The following CLEC4D variants were observed in gnomAD, a reference collection of about 807,000 sequenced individuals.
The protein encoded by CLEC4D is C-type (calcium dependent, carbohydrate-recognition domain) lectin, superfamily member 8.
A neutral mutation model predicts 21.1 loss-of-function variants in CLEC4D; 21 were observed. That is an observed-to-expected ratio of 1.00 (90% CI 0.71 to 1.43). CLEC4D has a LOEUF of 1.43. CLEC4D is among the 40% of genes most tolerant of loss of function. CLEC4D has a pLI of 0.00. For synonymous variants in CLEC4D, 85 were observed against 83.1 expected (o/e 1.02, Z -0.12); for missense variants, 289 against 260.7 (o/e 1.11, Z -0.75).
chr12:8,527,547 C>T, the CLEC4D span, among the ~76,000 whole-genome samples: 2 of 152,312 alleles, frequency 1.3e-5, no homozygotes, highest in East Asian at 3.9e-4. Flanking sequence ...TCCCTGGCTC[C>T]GCAGGGGAAA....
downstream of CLEC4D, among the ~76,000 whole-genome samples, chr12:8,525,611 A>G (rs1940499993): frequency 6.6e-6 from 1 of 152,304 alleles, no homozygotes; most frequent in Non-Finnish European, 1.5e-5. Context: ...GCCTGAATAC[A>G]GCACACCGAT....
the CLEC4D span, among the ~76,000 whole-genome samples, chr12:8,531,541 A>T: frequency 5.8e-4 from 89 of 152,282 alleles, no homozygotes; most frequent in African/African-American, 2.1e-3. Flanking sequence ...ATTTCACTTC[A>T]ATTTTTTAAA....
rs1172696608 is a variant in CLEC4D, at chr12:8,520,230, T to G, written c.389T>G (p.Phe130Cys). 1 of 1,613,706 alleles carries G rather than the reference T, an allele frequency of 6.2e-7. No homozygotes were observed. The highest frequency in any genetic ancestry group is 1.7e-5 in the Admixed American group (1 of 60,004). The stretch of plus-strand genomic sequence containing the variant: ...AAAATTTACATTTTTATGCAGAACT[T>G]TATTATTCAGTTTCTGGATAGACGG... Reference protein sequence around the residue: ...MTISTEAEQNFIIQFLDRRLS... With the variant: ...MTISTEAEQNCIIQFLDRRLS... The change falls in exon 5 of 6, where the codon TTT becomes TGT. Residue 130 changes from phenylalanine to cysteine, a missense_variant. Phe to Cys is a radical substitution (Grantham distance 205). Transcript: ENST00000299665.
chr12:8,520,363 A>G, intron 5 of CLEC4D, 22 bp downstream of exon 5: 1 of 1,601,414 alleles, frequency 6.2e-7, no homozygotes, highest in Non-Finnish European at 8.5e-7. Flanking sequence ...GAGTGGGCTA[A>G]GGGGATTTAT....
At chr12:8,519,227 C>A in intron 4 of CLEC4D, 67 bp downstream of exon 4, 1 of 1,566,680 alleles carries the variant, frequency 6.4e-7, no homozygotes, top group Non-Finnish European at 8.6e-7. Context: ...AGAGGAATTT[C>A]TCTGTCCTGT....
rs1457090632 is a variant in CLEC4D at position 8,522,138 on chromosome 12, G to A, written c.*867G>A. 2.6e-5 allele frequency: 4 copies of A among 152,122 alleles called. No homozygotes were observed. The highest frequency in any genetic ancestry group is 9.7e-5 in the African/African-American group (4 of 41,422). The allele number at this position is 152,122 out of a possible 1,614,324, so 9.4% of individuals were successfully genotyped here. On this transcript the variant is annotated 3_prime_UTR_variant, in exon 6 of 6. Transcript: ENST00000299665. ...GGATAAAATTTCTTAATTGTTTGAA[G>A]TAACATTGTATTCGTGTTTGCATTA...
At chr12:8,514,093 C>G (rs1351339945) in intron 1 of CLEC4D, among the ~76,000 whole-genome samples, 1 of 152,102 alleles carries the variant, frequency 6.6e-6, no homozygotes, top group Non-Finnish European at 1.5e-5. Flanking sequence ...TATGCTGTAT[C>G]AGAGGCTCTA....
intron 2 of CLEC4D, among the ~76,000 whole-genome samples, chr12:8,515,781 C>A (rs1406064010): frequency 6.6e-6 from 1 of 151,798 alleles, no homozygotes. Flanking sequence ...CATATGAAAA[C>A]CTGTACATAT....
rs139845503 is a variant in CLEC4D, at chr12:8,520,305, G to T, written c.464G>T (p.Arg155Leu). ...LRDENAKGQW[R>L]WVDQTPFNPR... ...GATGAGAATGCCAAAGGTCAGTGGC[G>T]TTGGGTGGACCAGACGCCATTTAAC... The change falls in exon 5 of 6, where the codon CGT becomes CTT. Residue 155 changes from arginine to leucine, a missense_variant. Transcript: ENST00000299665. The T allele has an allele frequency of 1.2e-6, 2 of 1,613,984 alleles. No homozygotes were observed. The highest frequency in any genetic ancestry group is 1.3e-5 in the African/African-American group (1 of 75,042).
At chr12:8,526,293 T>C (rs1320818417), downstream of CLEC4D, among the ~76,000 whole-genome samples, 2 of 152,234 alleles carry the variant, frequency 1.3e-5, no homozygotes, top group African/African-American at 2.4e-5. Flanking sequence ...TCCAGCTTGT[T>C]TCCATTCTTC....
the CLEC4D span, among the ~76,000 whole-genome samples, chr12:8,530,931 G>A: frequency 2.6e-5 from 4 of 152,178 alleles, no homozygotes; most frequent in East Asian, 1.9e-4. Context: ...TTGGTTGCAC[G>A]ACATATATGC....
At chr12:8,518,335 C>A in intron 3 of CLEC4D, 61 bp downstream of exon 3, 1 of 763,090 alleles carries the variant, frequency 1.3e-6, no homozygotes, top group Non-Finnish European at 2.3e-6. Flanking sequence ...CATAGTCTGA[C>A]TGAAGGAATG....
At chr12:8,521,001 T>C in intron 5 of CLEC4D, 123 bp from the exon 6 acceptor site, 1 of 1,316,520 alleles carries the variant, frequency 7.6e-7, no homozygotes, top group East Asian at 2.6e-5. Flanking sequence ...AGTGCAGTTC[T>C]AAACTGTTCA....
chr12:8,525,696 A>G (rs958777193), downstream of CLEC4D, among the ~76,000 whole-genome samples: 13 of 152,070 alleles, frequency 8.5e-5, no homozygotes, highest in African/African-American at 3.1e-4. Context: ...GTTTAAGGTT[A>G]GTATTGTTAT....
In CLEC4D at chr12:8,519,161, G is replaced by T. The variant is rs777592191; in HGVS notation, c.384+1G>T. 1.2e-6 allele frequency: 2 copies of T among 1,612,852 alleles called. No individual in the cohort carries two copies. Among genetic ancestry groups the T allele is most frequent in the Non-Finnish European group, 1.7e-6 (2 of 1,179,602 alleles). ...GACCATCAGCACGGAAGCTGAGCAG[G>T]TGTGTTGGGAGGATCACATCAGTTT... is the stretch of plus-strand genomic sequence containing the variant. On this transcript the variant is annotated splice_donor_variant, in intron 4 of 5. Transcript: ENST00000299665. LOFTEE classifies it high-confidence loss of function.
downstream of CLEC4D, among the ~76,000 whole-genome samples, chr12:8,523,542 G>T (rs1323712015): frequency 6.6e-6 from 1 of 152,148 alleles, no homozygotes; most frequent in South Asian, 2.1e-4. Flanking sequence ...TTTTCACATT[G>T]ATTTTGTATC....
downstream of CLEC4D, among the ~76,000 whole-genome samples, chr12:8,526,903 G>C (rs997901130): frequency 6.6e-6 from 1 of 152,108 alleles, no homozygotes; most frequent in Non-Finnish European, 1.5e-5. Context: ...TGTTGATGCT[G>C]TTGTTGTCAC....
intron 1 of CLEC4D, among the ~76,000 whole-genome samples, chr12:8,514,205 T>TTTAAATTAAAATTAA (rs771041124): frequency 8.5e-4 from 130 of 152,104 alleles, no homozygotes; most frequent in African/African-American, 2.8e-3. Flanking sequence ...TGTGGAAATG[T>TTTAAATTAAAATTAA]TTAAATTAAA....
chr12:8,518,977 G>A (rs761598364), intron 3 of CLEC4D, 32 bp from the exon 4 acceptor site: 1 of 1,606,506 alleles, frequency 6.2e-7, no homozygotes, highest in East Asian at 2.2e-5. Context: ...ATGCTCTTTT[G>A]TTACCAATTT....
Sources: gnomAD v4.1 joint callset for allele counts (sites outside exome capture counted in the v4.1 genomes callset) on GRCh38, gnomAD v4.1.1 for gene constraint, MANE v1.5 for transcripts, NCBI Gene and HGNC (gene_info 2026-07-23, HGNC 2026-07-21) for gene names.